Variants in SIRT4 observed in about 807,000 individuals in gnomAD.
The protein encoded by SIRT4 is NAD-dependent protein lipoamidase sirtuin-4, mitochondrial.
A neutral mutation model predicts 26.1 loss-of-function variants in SIRT4; 23 were observed. The observed-to-expected ratio is 0.88, with a 90% CI of 0.63 to 1.25. SIRT4 has a LOEUF of 1.25. Among genes scored for constraint, SIRT4 ranks in the 50% most tolerant of loss-of-function variants. The probability of loss-of-function intolerance (pLI) is 0.00; values close to 1 mark genes in which losing one functional copy is unlikely to be tolerated. For synonymous variants in SIRT4, 155 were observed against 158.4 expected (o/e 0.98, Z 0.16); for missense variants, 361 against 405.4 (o/e 0.89, Z 0.94).
intron 2 of SIRT4, among the ~76,000 whole-genome samples, chr12:120,304,828 TATATA>T (rs1293279965): frequency 9.6e-4 from 6 of 6,222 alleles, no homozygotes; most frequent in African/African-American, 2.6e-3. Flanking sequence ...TATATATATA[TATATA>T]TATTTTTTTT....
the SIRT4 span, chr12:120,293,040 C>T: frequency 1.3e-5 from 2 of 149,584 alleles, no homozygotes; most frequent in African/African-American, 5.1e-5. Context: ...CTCCCAAAAC[C>T]AAGCACCCCC....
chr12:120,303,169 AC>A (rs1872608068), intron 1 of SIRT4, among the ~76,000 whole-genome samples: 1 of 151,956 alleles, frequency 6.6e-6, no homozygotes, highest in Non-Finnish European at 1.5e-5. Context: ...AATTACATGA[AC>A]AAAATCAAAC....
chr12:120,292,139 G>A, the SIRT4 span, among the ~76,000 whole-genome samples: 1 of 152,238 alleles, frequency 6.6e-6, no homozygotes, highest in East Asian at 1.9e-4. Context: ...AAATCAACGT[G>A]ACGTCACAGA....
rs901345647 is a variant in SIRT4 at position 120,302,720 on chromosome 12, CT to C, written c.-2+359del. ...TAATATGTCAAAGTTTTTTCTTTTT[CT>C]TTTTTTTTTTTTTTTTGATACGGAG... On this transcript the variant is annotated intron_variant, in intron 1 of 3. Coordinates refer to ENST00000202967, the MANE Select transcript of SIRT4 (RefSeq NM_012240.3). Among the ~76,000 whole-genome samples, 287 of 136,782 alleles carry C rather than the reference CT, an allele frequency of 2.1e-3. 1 individual carries two copies. Among genetic ancestry groups the C allele is most frequent in the East Asian group, 0.018 (85 of 4,686 alleles). The allele number at this position is 136,782 out of a possible 152,430, so 89.7% of individuals were successfully genotyped here. A position where few individuals can be genotyped will look rare whatever the true frequency, so the allele number is the denominator to read the frequency against.
At chr12:120,296,273 A>G in the SIRT4 span, among the ~76,000 whole-genome samples, 2 of 150,856 alleles carry the variant, frequency 1.3e-5, no homozygotes, top group Non-Finnish European at 3.0e-5. Context: ...GCTGGAGTGC[A>G]GTGGCGCAAT....
chr12:120,304,102 T>C (rs376004865), intron 2 of SIRT4, 44 bp downstream of exon 2: 22 of 1,584,914 alleles, frequency 1.4e-5, no homozygotes, highest in Admixed American at 1.4e-4. Flanking sequence ...CGTGTGTTGT[T>C]TTGGGAGAGT....
chr12:120,299,878 T>C (rs1008118297), upstream of SIRT4, among the ~76,000 whole-genome samples: 6 of 152,162 alleles, frequency 3.9e-5, no homozygotes, highest in Non-Finnish European at 5.9e-5. Context: ...ATATAGTGAC[T>C]TGGAAGAGAC....
chr12:120,313,211 ATTT>A lies in SIRT4; in HGVS notation c.*181_*183del. ...GTGTGGATATTCTTAATTAAAACTC[ATTT>A]TTTTTAAATAAAAAATTGTTCAGCT... On this transcript the variant is annotated 3_prime_UTR_variant, in exon 4 of 4. Coordinates refer to ENST00000202967, the MANE Select transcript of SIRT4 (RefSeq NM_012240.3). 1.5e-6 allele frequency: 1 copy of A among 668,892 alleles called. No homozygotes were observed. The highest frequency in any genetic ancestry group is 2.8e-5 in the East Asian group (1 of 35,772). The allele number at this position is 668,892 out of a possible 1,614,324, so 41.4% of individuals were successfully genotyped here.
At chr12:120,304,826 TATATATATA>T (rs1487346562) in intron 2 of SIRT4, among the ~76,000 whole-genome samples, 1 of 34,510 alleles carries the variant, frequency 2.9e-5, no homozygotes, top group Admixed American at 3.7e-4. Context: ...TATATATATA[TATATATATA>T]TTTTTTTTTT....
chr12:120,300,153 G>A (rs1007737800), upstream of SIRT4, among the ~76,000 whole-genome samples: 4 of 152,046 alleles, frequency 2.6e-5, no homozygotes, highest in African/African-American at 7.2e-5. Context: ...TTAGCTGGGC[G>A]TGGTGGTGGA....
At chr12:120,312,351 GAA>G in intron 2 of SIRT4, 103 bp from the exon 3 acceptor site, 1 of 1,065,140 alleles carries the variant, frequency 9.4e-7, no homozygotes, top group South Asian at 1.5e-5. Context: ...GTTAGGGAAA[GAA>G]AGCAGCGATG....
At chr12:120,312,292 T>TA (rs1167914895) in intron 2 of SIRT4, among the ~76,000 whole-genome samples, 164 bp from the exon 3 acceptor site, 1 of 151,366 alleles carries the variant, frequency 6.6e-6, no homozygotes. Context: ...TCTCCAAAAA[T>TA]AAAAAAAATA....
At chr12:120,308,165 CTTTT>C (rs10707396) in intron 2 of SIRT4, among the ~76,000 whole-genome samples, 21 of 84,974 alleles carry the variant, frequency 2.5e-4, no homozygotes, top group African/African-American at 7.3e-4. Flanking sequence ...CCCAAGAAAG[CTTTT>C]TTTTTTTTTT....
At chr12:120,294,699 G>T in the SIRT4 span, among the ~76,000 whole-genome samples, 5 of 151,618 alleles carry the variant, frequency 3.3e-5, no homozygotes, top group Admixed American at 2.0e-4. Context: ...TGTATTTTTC[G>T]TACAGACAGG....
chr12:120,299,009 G>A (rs1872443382), upstream of SIRT4, among the ~76,000 whole-genome samples: 1 of 149,740 alleles, frequency 6.7e-6, no homozygotes, highest in Non-Finnish European at 1.5e-5. Context: ...GGCGGATCAC[G>A]AGGTCAAGAG....
At position 120,311,256 on chromosome 12, in the gene SIRT4, G is replaced by A. The variant is rs957271990; in HGVS notation, c.498-1200G>A. On this transcript the variant is annotated intron_variant, in intron 2 of 3. Coordinates refer to ENST00000202967, the MANE Select transcript of SIRT4 (RefSeq NM_012240.3). ...TGTAATCCCAGCTACTCGGGAGGCTGAGGCAGGAGAATTGCTTGAACCTGG... is the reference window on the plus strand; with the variant it reads ...TGTAATCCCAGCTACTCGGGAGGCTAAGGCAGGAGAATTGCTTGAACCTGG... Among the ~76,000 whole-genome samples the A allele has an allele frequency of 5.3e-5, 8 of 151,368 alleles. 1 individual carries two copies. The highest frequency in any genetic ancestry group is 5.3e-4 in the Admixed American group (8 of 15,194).
At chr12:120,307,727 G>A (rs1872794930) in intron 2 of SIRT4, among the ~76,000 whole-genome samples, 1 of 151,886 alleles carries the variant, frequency 6.6e-6, no homozygotes, top group South Asian at 2.1e-4. Flanking sequence ...GCATGGTGGT[G>A]CATGCCTATA....
intron 2 of SIRT4, among the ~76,000 whole-genome samples, chr12:120,304,932 T>C (rs986672233): frequency 5.3e-5 from 8 of 150,036 alleles, no homozygotes; most frequent in African/African-American, 1.5e-4. Flanking sequence ...GGCAGGCAGA[T>C]TACCTGAGGT....
At position 120,305,744 on chromosome 12, in the gene SIRT4, G is replaced by A. The variant is rs984033045; in HGVS notation, c.497+1686G>A. The stretch of plus-strand genomic sequence containing the variant: ...GAAAATTGTGTAGGCTGGGCGCGGC[G>A]GCTCACGCCTGTAATCCCAACACTT... On this transcript the variant is annotated intron_variant, in intron 2 of 3. Coordinates refer to ENST00000202967, the MANE Select transcript of SIRT4 (RefSeq NM_012240.3). Among the ~76,000 whole-genome samples the A allele has an allele frequency of 3.3e-5, 5 of 152,212 alleles. No individual in the cohort carries two copies. In the South Asian group the frequency reaches 6.2e-4, roughly 19 times the overall value.
Sources: gnomAD v4.1 joint callset for allele counts (sites outside exome capture counted in the v4.1 genomes callset) on GRCh38, gnomAD v4.1.1 for gene constraint, MANE v1.5 for transcripts, NCBI Gene and HGNC (gene_info 2026-07-23, HGNC 2026-07-21) for gene names.